PLCZ1: variants seen among roughly 807,000 people sequenced by gnomAD.
PLCZ1 encodes 1-phosphatidylinositol 4,5-bisphosphate phosphodiesterase zeta-1.
A neutral mutation model predicts 76.8 loss-of-function variants in PLCZ1; 64 were observed. The ratio of observed to expected loss-of-function variants is 0.83; its 90% CI spans 0.68 to 1.03. The LOEUF (loss-of-function observed/expected upper bound fraction) is 1.03. Among genes scored for constraint, PLCZ1 ranks in the 50% least tolerant of loss-of-function variants. PLCZ1 has a pLI of 0.00. For missense variants in PLCZ1, 751 were observed against 713.7 expected (o/e 1.05, Z -0.60); for synonymous variants, 248 against 230.8 (o/e 1.07, Z -0.68).
chr12:18,694,173 G>A, intron 12 of PLCZ1: 1 of 677,978 alleles, frequency 1.5e-6, no homozygotes, highest in South Asian at 1.9e-5. Context: ...TGGGGGAGTT[G>A]CCCAGAGGAA....
intron 5 of PLCZ1, chr12:18,713,885 T>C (rs1957632948): frequency 6.6e-6 from 1 of 152,226 alleles, no homozygotes; most frequent in Non-Finnish European, 1.5e-5. Context: ...GTTCATTAAA[T>C]CAGTTGTACC....
chr12:18,696,970 T>G (rs1955153028), intron 10 of PLCZ1, among the ~76,000 whole-genome samples: 1 of 152,144 alleles, frequency 6.6e-6, no homozygotes, highest in Non-Finnish European at 1.5e-5. Context: ...TCTATTTTAG[T>G]TTCTGTACAT....
rs1340629077 is a variant in PLCZ1, at chr12:18,736,248, A to G, written c.108T>C (p.Ser36=). ...RLLEKLDIRC[S]YIHVKQIFKD... is the part of the protein sequence containing the mutation. ...TAAAAATCTGTTTCACATGAATATA[A>G]CTGCACCGAATATCTAATTTTTCAA... The change falls in exon 3 of 15, where the codon AGT becomes AGC. Residue 36 remains serine, a synonymous_variant. Coordinates refer to ENST00000266505, the MANE Select transcript of PLCZ1 (RefSeq NM_033123.4). 1 of 1,612,798 alleles carries G rather than the reference A, an allele frequency of 6.2e-7. No homozygotes were observed. Among genetic ancestry groups the G allele is most frequent in the Admixed American group, 1.7e-5 (1 of 59,972 alleles).
chr12:18,710,984 C>T (rs1252443896), intron 6 of PLCZ1, among the ~76,000 whole-genome samples: 1 of 152,006 alleles, frequency 6.6e-6, no homozygotes, highest in African/African-American at 2.4e-5. Context: ...GGCGATTCCT[C>T]AGGGATCTAG....
At chr12:18,697,122 A>G (rs1027105567) in intron 10 of PLCZ1, among the ~76,000 whole-genome samples, 2 of 152,104 alleles carry the variant, frequency 1.3e-5, no homozygotes, top group Non-Finnish European at 2.9e-5. Flanking sequence ...TTTTCATTAA[A>G]CAGATCCTGT....
chr12:18,702,768 T>A (rs1232550593), intron 7 of PLCZ1, among the ~76,000 whole-genome samples: 2 of 151,892 alleles, frequency 1.3e-5, no homozygotes, highest in Non-Finnish European at 2.9e-5. Flanking sequence ...TTAACAAGTC[T>A]CTAGGCAATT....
In PLCZ1 at chr12:18,699,879, G is replaced by A. The variant is rs1955651935; in HGVS notation, c.1089C>T (p.Ser363=). The change falls in exon 10 of 15, where the codon AGC becomes AGT. Residue 363 remains serine, a synonymous_variant. Coordinates refer to ENST00000266505, the MANE Select transcript of PLCZ1 (RefSeq NM_033123.4). ...VIYTKAEKFK[S]FQHSRLYQQF... ...GCTGATATAATCTTGAATGTTGAAAGCTTTTGAATTTCTCAGCTTTCGTAT... is the reference window on the plus strand; with the variant it reads ...GCTGATATAATCTTGAATGTTGAAAACTTTTGAATTTCTCAGCTTTCGTAT... The A allele has an allele frequency of 6.2e-7, 1 of 1,612,682 alleles. No homozygotes were observed. Among genetic ancestry groups the A allele is most frequent in the Admixed American group, 1.7e-5 (1 of 59,940 alleles).
the PLCZ1 span, chr12:18,647,944 AT>A: frequency 1.9e-6 from 3 of 1,602,016 alleles, no homozygotes; most frequent in Non-Finnish European, 2.6e-6. Flanking sequence ...GTAAAACTGT[AT>A]TTGTGGGAGC....
the PLCZ1 span, among the ~76,000 whole-genome samples, chr12:18,646,000 C>A: frequency 1.3e-5 from 2 of 152,012 alleles, no homozygotes; most frequent in African/African-American, 4.8e-5. Flanking sequence ...TCAGACAGCT[C>A]AAAATACCCA....
chr12:18,693,012 A>G (rs537887457), intron 12 of PLCZ1: 162 of 1,423,996 alleles, frequency 1.1e-4, no homozygotes, highest in Non-Finnish European at 1.5e-4. Flanking sequence ...GGAAGAATTC[A>G]TTAGAAATCA....
chr12:18,648,486 C>T, the PLCZ1 span: 4 of 180,642 alleles, frequency 2.2e-5, no homozygotes, highest in Admixed American at 6.3e-5. Flanking sequence ...CATAATCTTA[C>T]TTATTGAGGG....
At chr12:18,730,221 A>G (rs1958967244) in intron 3 of PLCZ1, among the ~76,000 whole-genome samples, 1 of 151,930 alleles carries the variant, frequency 6.6e-6, no homozygotes, top group Admixed American at 6.6e-5. Context: ...TACTCTGGGA[A>G]AAGGTGCATC....
chr12:18,689,112 T>G (rs558134652), intron 12 of PLCZ1, among the ~76,000 whole-genome samples: 1 of 152,200 alleles, frequency 6.6e-6, no homozygotes, highest in African/African-American at 2.4e-5. Context: ...CAGCATGGAA[T>G]GGGCATCAGC....
chr12:18,655,409 A>G, the PLCZ1 span, among the ~76,000 whole-genome samples: 9 of 152,212 alleles, frequency 5.9e-5, no homozygotes, highest in Non-Finnish European at 8.8e-5. Flanking sequence ...GCTATAAATG[A>G]ATAAATAAAT....
At chr12:18,650,349 G>A in the PLCZ1 span, among the ~76,000 whole-genome samples, 46,032 of 91,272 alleles carry the variant, frequency 0.5, 8,359 homozygotes, top group Middle Eastern at 0.58. Context: ...ATATATATAT[G>A]TGTGTGTGTG....
At chr12:18,703,742 C>T (rs975003732) in intron 7 of PLCZ1, among the ~76,000 whole-genome samples, 1 of 152,198 alleles carries the variant, frequency 6.6e-6, no homozygotes, top group African/African-American at 2.4e-5. Flanking sequence ...CTTTTTCCCA[C>T]ACCAGGAGCA....
chr12:18,690,100 T>C (rs1157194055), intron 12 of PLCZ1, among the ~76,000 whole-genome samples: 2 of 152,168 alleles, frequency 1.3e-5, no homozygotes, highest in Non-Finnish European at 2.9e-5. Flanking sequence ...ACATATGTTC[T>C]CTTTACTATT....
chr12:18,696,075 A>C, intron 11 of PLCZ1, 75 bp downstream of exon 11: 1 of 824,454 alleles, frequency 1.2e-6, no homozygotes. Context: ...CCTTTTCACG[A>C]GTTTTTCATA....
rs746812257 is a variant in PLCZ1, at chr12:18,701,520, A to G, written c.998T>C (p.Met333Thr). The G allele has an allele frequency of 1.2e-5, 19 of 1,614,046 alleles. No homozygotes were observed. Among genetic ancestry groups the G allele is most frequent in the Non-Finnish European group, 1.5e-5 (18 of 1,179,992 alleles). ...ETGVKKLPGV[M>T]LFKKKKTRKL... ...CCTCACCTTCTTTTTCTTGAAAAGC[A>G]TTACTCCAGGTAACTTTTTTACCCC... Residue 333 changes from methionine (M) to threonine (T), a missense_variant, in exon 9 of 15, where the codon ATG (methionine) becomes ACG (threonine). Coordinates refer to ENST00000266505, the MANE Select transcript of PLCZ1 (RefSeq NM_033123.4).
Sources: gnomAD v4.1 joint callset for allele counts (sites outside exome capture counted in the v4.1 genomes callset) on GRCh38, gnomAD v4.1.1 for gene constraint, MANE v1.5 for transcripts, NCBI Gene and HGNC (gene_info 2026-07-23, HGNC 2026-07-21) for gene names.